Variants in VPS72 observed in about 807,000 individuals in gnomAD.
The protein encoded by VPS72 is vacuolar protein sorting-associated protein 72 homolog.
In VPS72, 27 loss-of-function variants were observed where a neutral mutation model predicts 38.9. The observed-to-expected ratio is 0.69, with a 90% CI of 0.51 to 0.96. The LOEUF is 0.96. VPS72 is among the 40% of genes least tolerant of loss of function. The pLI, the probability that VPS72 is intolerant of heterozygous loss-of-function variation, is 0.00. For missense variants in VPS72, 360 were observed against 479.5 expected (o/e 0.75, Z 2.33); for synonymous variants, 173 against 186.3 (o/e 0.93, Z 0.58).
rs747419876 is a variant in VPS72, at chr1:151,185,966, G to A, written c.118-16C>T. 4 of 1,612,436 alleles carry A rather than the reference G, an allele frequency of 2.5e-6. No homozygotes were observed. The highest frequency in any genetic ancestry group is 2.2e-5 in the South Asian group (2 of 90,884). ...CTCCGGATTCCTAAGGACACAGGGA[G>A]ATAAGGGTTGGCTGGCAATGGAAGC... is the stretch of plus-strand genomic sequence containing the variant. On this transcript the variant is annotated splice_polypyrimidine_tract_variant and intron_variant, in intron 1 of 5. Coordinates refer to ENST00000368892, the MANE Select transcript of VPS72 (RefSeq NM_005997.3).
In VPS72 at chr1:151,177,017, G is replaced by A. The variant is rs1684124040; in HGVS notation, c.722C>T (p.Pro241Leu). 1.3e-6 allele frequency: 2 copies of A among 1,567,100 alleles called. No individual in the cohort carries two copies. Among genetic ancestry groups the A allele is most frequent in the Non-Finnish European group, 1.7e-6 (2 of 1,155,312 alleles). The change falls in exon 6 of 6, where the codon CCC becomes CTC. Residue 241 changes from proline (P) to leucine (L), a missense_variant. This residue lies in a region of VPS72 where 294 missense variants were observed against 356.3 expected (regional missense o/e 0.83). Coordinates refer to ENST00000368892, the MANE Select transcript of VPS72 (RefSeq NM_005997.3). ...ATGAGGAGTCAATGCAGACACCGAG[G>A]GAGCAGGATCAAGTCTGAGGACAAA... is the stretch of plus-strand genomic sequence containing the variant. ...NVDIEGLDPA[P>L]SVSALTPHAG...
intron 4 of VPS72, among the ~76,000 whole-genome samples, chr1:151,179,118 C>T (rs1029224450): frequency 3.3e-5 from 5 of 151,504 alleles, no homozygotes; most frequent in Non-Finnish European, 5.9e-5. Context: ...CCCGTCTCTA[C>T]TAAAAATACA....
At position 151,190,113 on chromosome 1, in the gene VPS72, C is replaced by A; in HGVS notation, c.9G>T (p.Leu3Phe). The change falls in exon 1 of 6, where the codon TTG becomes TTT. Residue 3 changes from leucine (L) to phenylalanine (F), a missense_variant. This residue lies in a region of VPS72 where 66 missense variants were observed against 123.1 expected (regional missense o/e 0.54). Coordinates refer to ENST00000368892, the MANE Select transcript of VPS72 (RefSeq NM_005997.3). MS[L>F]AGGRAPRKTA... ...TCTTCCGGGGTGCCCGGCCCCCAGCCAAACTCATACCGCCTACCGAGACTG... is the reference window on the plus strand; with the variant it reads ...TCTTCCGGGGTGCCCGGCCCCCAGCAAAACTCATACCGCCTACCGAGACTG... 6.2e-7 allele frequency: 1 copy of A among 1,613,672 alleles called. No individual in the cohort carries two copies. Among genetic ancestry groups the A allele is most frequent in the Non-Finnish European group, 8.5e-7 (1 of 1,180,010 alleles).
chr1:151,190,143 G>A lies in VPS72; in HGVS notation c.-22C>T, dbSNP rs762076927. 6.2e-7 allele frequency: 1 copy of A among 1,609,882 alleles called. No individual in the cohort carries two copies. Among genetic ancestry groups the A allele is most frequent in the East Asian group, 2.2e-5 (1 of 44,852 alleles). ...TCATACCGCCTACCGAGACTGCGCC[G>A]CCACCTGCAGCCCCTCACCAGCTCG... On this transcript the variant is annotated 5_prime_UTR_variant, in exon 1 of 6. Transcript: ENST00000368892.
At chr1:151,185,702 T>C in intron 2 of VPS72, 82 bp from the exon 3 acceptor site, 3 of 1,607,920 alleles carry the variant, frequency 1.9e-6, no homozygotes, top group Non-Finnish European at 2.6e-6. Flanking sequence ...AAAACTAGCA[T>C]TGCCAGAAAT....
Position 151,190,123 on chromosome 1 carries a change from C to G in VPS72, c.-2G>C, listed in dbSNP as rs1303150257. On this transcript the variant is annotated 5_prime_UTR_variant, in exon 1 of 6. Coordinates refer to ENST00000368892, the MANE Select transcript of VPS72 (RefSeq NM_005997.3). ...TGCCCGGCCCCCAGCCAAACTCATA[C>G]CGCCTACCGAGACTGCGCCGCCACC... The G allele has an allele frequency of 1.2e-6, 2 of 1,613,068 alleles. No homozygotes were observed. Among genetic ancestry groups the G allele is most frequent in the East Asian group, 4.5e-5 (2 of 44,862 alleles).
Position 151,182,564 on chromosome 1 carries a change from C to T in VPS72, c.562+1753G>A, listed in dbSNP as rs968630767. Among the ~76,000 whole-genome samples, 2 of 152,170 alleles carry T rather than the reference C, an allele frequency of 1.3e-5. 1 individual carries two copies. Among genetic ancestry groups the T allele is most frequent in the Non-Finnish European group, 2.9e-5 (2 of 68,032 alleles). On this transcript the variant is annotated intron_variant, in intron 4 of 5. Coordinates refer to ENST00000368892, the MANE Select transcript of VPS72 (RefSeq NM_005997.3). ...TCTGTAGCTTCCATTCCCTCTTCTA[C>T]CCTTCATGGCCAAGCTTGAAAAGTT...
chr1:151,190,040 C>A lies in VPS72; in HGVS notation c.82G>T (p.Glu28Ter). ...CCCCCATAAGTCGTCTGGTAGAACT[C>A]ATCTTCCTCCTCTGCCTCCAAAAGC... ...SGLLEAEEED[E>*]FYQTTYGGFT... Residue 28 changes from glutamate to a stop codon, truncating the protein, a stop_gained, in exon 1 of 6, where the codon GAG becomes TAG. Coordinates refer to ENST00000368892, the MANE Select transcript of VPS72 (RefSeq NM_005997.3). LOFTEE classifies it high-confidence loss of function. The A allele has an allele frequency of 6.2e-7, 1 of 1,614,154 alleles. No homozygotes were observed. The highest frequency in any genetic ancestry group is 8.5e-7 in the Non-Finnish European group (1 of 1,180,028).
intron 5 of VPS72, among the ~76,000 whole-genome samples, 179 bp downstream of exon 5, chr1:151,177,822 G>A (rs1224377908): frequency 2.0e-5 from 3 of 150,896 alleles, no homozygotes; most frequent in African/African-American, 7.3e-5. Flanking sequence ...CAGCCTAGGT[G>A]ACAGAGCAGC....
rs144082612 is a variant in VPS72 at position 151,178,084 on chromosome 1, G to C, written c.624C>G (p.Pro208=). The C allele has an allele frequency of 6.2e-7, 1 of 1,614,056 alleles. No individual in the cohort carries two copies. Among genetic ancestry groups the C allele is most frequent in the South Asian group, 1.1e-5 (1 of 91,080 alleles). ...CTGAATGATAGGTGATTATGGGCCC[G>C]GGGCACTTCCGCTTCTTATGAACCT... ...KKQVHKKRKC[P]GPIITYHSVT... Residue 208 remains proline, a synonymous_variant, in exon 5 of 6, where the codon CCC becomes CCG. Transcript: ENST00000368892.
chr1:151,182,709 C>T (rs888601236), intron 4 of VPS72, among the ~76,000 whole-genome samples: 1 of 152,310 alleles, frequency 6.6e-6, no homozygotes, highest in Non-Finnish European at 1.5e-5. Flanking sequence ...GTCTCAGCAG[C>T]AATTACTCTC....
intron 4 of VPS72, among the ~76,000 whole-genome samples, chr1:151,183,653 G>C (rs775483257): frequency 1.3e-5 from 2 of 151,796 alleles, no homozygotes; most frequent in Non-Finnish European, 2.9e-5. Flanking sequence ...GTAGAGACAG[G>C]GTTTCACCAT....
Position 151,184,586 on chromosome 1 carries a change from T to C in VPS72, c.386-93A>G. On this transcript the variant is annotated intron_variant, in intron 3 of 5. Coordinates refer to ENST00000368892, the MANE Select transcript of VPS72 (RefSeq NM_005997.3). ...AATGTTGTACTTGGAAATAATTTTT[T>C]TTTCTTTTTTTTTTTTTGAGATGGA... The C allele has an allele frequency of 2.9e-6, 4 of 1,356,546 alleles. No homozygotes were observed. In the East Asian group the frequency reaches 1.0e-4, roughly 35 times the overall value. The allele number at this position is 1,356,546 out of a possible 1,614,324, so 84.0% of individuals were successfully genotyped here. A position where few individuals can be genotyped will look rare whatever the true frequency, so the allele number is the denominator to read the frequency against.
intron 4 of VPS72, among the ~76,000 whole-genome samples, chr1:151,180,668 C>A (rs747512202): frequency 7.2e-5 from 11 of 152,138 alleles, no homozygotes; most frequent in African/African-American, 1.4e-4. Context: ...GAACTCCTGA[C>A]CTCGTGATCC....
intron 3 of VPS72, among the ~76,000 whole-genome samples, chr1:151,184,998 G>T (rs1034124463): frequency 1.3e-5 from 2 of 152,016 alleles, no homozygotes; most frequent in African/African-American, 2.4e-5. Flanking sequence ...GTTATGTGTG[G>T]TTTTTTTCTG....
intron 5 of VPS72, among the ~76,000 whole-genome samples, chr1:151,177,656 C>A (rs1330867220): frequency 6.6e-6 from 1 of 151,892 alleles, no homozygotes; most frequent in Admixed American, 6.6e-5. Flanking sequence ...TACTTTAACC[C>A]AGGAGTCTGG....
At position 151,176,611 on chromosome 1, in the gene VPS72, C is replaced by A. The variant is rs1376399002; in HGVS notation, c.*33G>T. The A allele has an allele frequency of 4.4e-6, 7 of 1,603,296 alleles. No homozygotes were observed. The highest frequency in any genetic ancestry group is 5.1e-6 in the Non-Finnish European group (6 of 1,174,590). ...GGAACAGCAAGAGCCCCAATCAGGGCAGGAAAGAAGTTTCTGAGGACTAGA... is the reference window on the plus strand; with the variant it reads ...GGAACAGCAAGAGCCCCAATCAGGGAAGGAAAGAAGTTTCTGAGGACTAGA... On this transcript the variant is annotated 3_prime_UTR_variant, in exon 6 of 6. Transcript: ENST00000368892.
intron 5 of VPS72, 133 bp downstream of exon 5, chr1:151,177,868 G>T: frequency 1.0e-5 from 10 of 990,242 alleles, no homozygotes; most frequent in East Asian, 2.5e-5. Flanking sequence ...AAAAGAAATT[G>T]AGCTGAAGGG....
At chr1:151,178,587 C>A (rs1251256041) in intron 4 of VPS72, among the ~76,000 whole-genome samples, 1 of 152,016 alleles carries the variant, frequency 6.6e-6, no homozygotes, top group East Asian at 1.9e-4. Flanking sequence ...TGAGATGGCA[C>A]CACATTGCAC....
Sources: gnomAD v4.1 joint callset for allele counts (sites outside exome capture counted in the v4.1 genomes callset) on GRCh38, gnomAD v4.1.1 for gene constraint, gnomAD v4.1.1 regional missense constraint, MANE v1.5 for transcripts, NCBI Gene and HGNC (gene_info 2026-07-23, HGNC 2026-07-21) for gene names.